Variants in DRP2 observed in about 807,000 individuals in gnomAD.
The protein encoded by DRP2 is dystrophin related protein 2.
In DRP2, 29 loss-of-function variants were observed where a neutral mutation model predicts 78.2. The observed-to-expected ratio is 0.37, with a 90% confidence interval of 0.28 to 0.51. DRP2 has a LOEUF of 0.51. DRP2 is among the 20% of genes least tolerant of loss of function. The pLI is 0.94. For synonymous variants in DRP2, 290 were observed against 281.9 expected (o/e 1.03, Z -0.29); for missense variants, 686 against 770.6 (o/e 0.89, Z 1.30).
chrX:101,241,970 C>T, intron 7 of DRP2, 34 bp downstream of exon 7: 1 of 1,142,297 alleles, frequency 8.8e-7, no homozygotes, highest in Non-Finnish European at 1.2e-6. Context: ...TACAGTCTAC[C>T]CTGAGACCTG....
chrX:101,241,830 A>G lies in DRP2; in HGVS notation c.722A>G (p.Glu241Gly). 1 of 1,206,290 alleles carries G rather than the reference A, an allele frequency of 8.3e-7. No homozygotes were observed. Residue 241 changes from glutamate (E) to glycine (G), a missense_variant, in exon 7 of 24, where the codon GAG becomes GGG. Transcript: ENST00000395209. The part of the protein sequence containing the change: ...EQLLEIQGAM[E>G]ELSTTLSQAE... The stretch of plus-strand genomic sequence containing the variant: ...CTCTTGGAGATTCAAGGGGCAATGG[A>G]GGAACTAAGCACTACTCTGAGCCAA...
At position 101,240,970 on chromosome X, in the gene DRP2, A is replaced by G. The variant is rs190420169; in HGVS notation, c.560-698A>G. Among the ~76,000 whole-genome samples the G allele has an allele frequency of 1.3e-3, 142 of 111,768 alleles. 3 individuals carry two copies. Among genetic ancestry groups the G allele is most frequent in the Admixed American group, 0.012 (128 of 10,580 alleles). On this transcript the variant is annotated intron_variant, in intron 6 of 23. Coordinates refer to ENST00000395209, the MANE Select transcript of DRP2 (RefSeq NM_001939.3). ...GTGGAAAAGCCAGACACATTATACC[A>G]ACTTCTCCTGGGCTGAGCCTTCATA...
In DRP2 at chrX:101,248,070, T is replaced by G. The variant is rs761419327; in HGVS notation, c.1253-19T>G. On this transcript the variant is annotated intron_variant, in intron 12 of 23. Transcript: ENST00000395209. ...ACTTTTGGCTATATTTTTTTTCTCTTCTCTTCTTTCCTTACCAGTGGACCT... is the reference window on the plus strand; with the variant it reads ...ACTTTTGGCTATATTTTTTTTCTCTGCTCTTCTTTCCTTACCAGTGGACCT... The G allele has an allele frequency of 6.6e-6, 8 of 1,205,104 alleles. No homozygotes were observed. Among genetic ancestry groups the G allele is most frequent in the Non-Finnish European group, 9.0e-6 (8 of 890,070 alleles).
intron 3 of DRP2, among the ~76,000 whole-genome samples, chrX:101,235,452 G>A (rs950253300): frequency 8.9e-6 from 1 of 112,462 alleles, no homozygotes; most frequent in Non-Finnish European, 1.9e-5. Flanking sequence ...TGAAGTATGA[G>A]CCAACAGCTT....
chrX:101,227,152 A>G (rs1922148296), intron 2 of DRP2, among the ~76,000 whole-genome samples: 1 of 111,801 alleles, frequency 8.9e-6, no homozygotes, highest in African/African-American at 3.3e-5. Context: ...CATGAGGGCA[A>G]AGCCCTCATC....
At chrX:101,258,822 C>T (rs1045115527) in intron 22 of DRP2, among the ~76,000 whole-genome samples, 44 of 111,784 alleles carry the variant, frequency 3.9e-4, no homozygotes, top group African/African-American at 1.3e-3. Context: ...AGAGAGAAGA[C>T]TTCTGAGGGC....
At chrX:101,255,343 G>C in intron 20 of DRP2, 94 bp downstream of exon 20, 8 of 913,186 alleles carry the variant, frequency 8.8e-6, no homozygotes, top group Non-Finnish European at 1.1e-5. Context: ...GGGAATGGGG[G>C]TGTGTGGTGG....
intron 23 of DRP2, 140 bp downstream of exon 23, chrX:101,260,309 T>C: frequency 5.2e-6 from 5 of 962,343 alleles, no homozygotes; most frequent in Non-Finnish European, 7.1e-6. Flanking sequence ...GGTTTACTGA[T>C]TGATTAATTC....
intron 3 of DRP2, among the ~76,000 whole-genome samples, chrX:101,234,238 T>G (rs1344287195): frequency 1.8e-5 from 2 of 112,486 alleles, no homozygotes; most frequent in Admixed American, 1.9e-4. Context: ...AGGGGAGGGG[T>G]GGGCCTAGAG....
chrX:101,252,124 C>T (rs1310715962), intron 16 of DRP2, among the ~76,000 whole-genome samples: 2 of 111,935 alleles, frequency 1.8e-5, no homozygotes, highest in Admixed American at 1.9e-4. Context: ...ATTCTTTGTT[C>T]TGCAATAATA....
chrX:101,263,468 T>C lies in DRP2; in HGVS notation c.*2847T>C, dbSNP rs1201280341. On this transcript the variant is annotated 3_prime_UTR_variant, in exon 24 of 24. Transcript: ENST00000395209. ...TTGTCAAATAGTATCAGAGAACAGT[T>C]AGGACTGAGAGGTGATTTCTTCTTG... 9.0e-6 allele frequency: 1 copy of C among 111,704 alleles called. No homozygotes were observed. Among genetic ancestry groups the C allele is most frequent in the Non-Finnish European group, 1.9e-5 (1 of 53,110 alleles). The allele number at this position is 111,704 out of a possible 1,213,427, so 9.2% of individuals were successfully genotyped here.
intron 20 of DRP2, 73 bp from the exon 21 acceptor site, chrX:101,256,045 C>T: frequency 1.8e-6 from 2 of 1,094,670 alleles, no homozygotes; most frequent in Non-Finnish European, 2.4e-6. Flanking sequence ...TTTCCTGGGG[C>T]CTGAGCTGAG....
intron 11 of DRP2, among the ~76,000 whole-genome samples, chrX:101,245,702 TAGAC>T (rs1382853552): frequency 1.8e-5 from 2 of 111,329 alleles, no homozygotes; most frequent in Non-Finnish European, 3.8e-5. Flanking sequence ...GAATCTAAAA[TAGAC>T]AGACTCATAG....
intron 1 of DRP2, among the ~76,000 whole-genome samples, chrX:101,222,550 C>T (rs752926217): frequency 8.9e-6 from 1 of 111,802 alleles, no homozygotes; most frequent in South Asian, 3.7e-4. Context: ...GAAACTAGTT[C>T]CAGGAAAATG....
In DRP2 at chrX:101,242,314, T is replaced by C; in HGVS notation, c.829-11T>C. 4.1e-6 allele frequency: 5 copies of C among 1,208,689 alleles called. No individual in the cohort carries two copies. Among genetic ancestry groups the C allele is most frequent in the Non-Finnish European group, 5.6e-6 (5 of 894,248 alleles). ...TCTGTCTGCTGTGGCACTTGGGTCC[T>C]GGTTCTCCAGCTGTTCAAAGAAGAA... On this transcript the variant is annotated splice_polypyrimidine_tract_variant and intron_variant, in intron 7 of 23. Transcript: ENST00000395209.
At chrX:101,224,191 G>GTTTTTTTTTTTTTTTTTT (rs1167730116) in intron 1 of DRP2, among the ~76,000 whole-genome samples, 7 of 38,882 alleles carry the variant, frequency 1.8e-4, no homozygotes, top group Admixed American at 4.5e-4. Context: ...GGTTTTTTTT[G>GTTTTTTTTTTTTTTTTTT]TTTTTTTTTT....
intron 9 of DRP2, 127 bp from the exon 10 acceptor site, chrX:101,244,890 G>A: frequency 1.8e-6 from 1 of 571,082 alleles, no homozygotes; most frequent in Non-Finnish European, 2.8e-6. Context: ...TTAAGAGCTG[G>A]CAATGAAATT....
chrX:101,240,609 A>C (rs1922684565), intron 6 of DRP2, among the ~76,000 whole-genome samples: 1 of 111,885 alleles, frequency 8.9e-6, no homozygotes, highest in Middle Eastern at 4.6e-3. Context: ...TCTGGTCTAT[A>C]AGGCAGTGGG....
intron 3 of DRP2, among the ~76,000 whole-genome samples, chrX:101,234,812 T>C (rs973691946): frequency 9.1e-6 from 1 of 110,275 alleles, no homozygotes; most frequent in Non-Finnish European, 1.9e-5. Context: ...GTTTCCTAAA[T>C]TGCCTGGAGA....
Sources: allele counts gnomAD v4.1 joint callset (sites outside exome capture counted in the v4.1 genomes callset), GRCh38; gene constraint gnomAD v4.1.1; transcripts MANE v1.5; gene names NCBI Gene and HGNC (gene_info 2026-07-23, HGNC 2026-07-21).